USP34: variants seen among roughly 807,000 people sequenced by gnomAD.
The protein encoded by USP34 is ubiquitin specific peptidase 34.
USP34 carries 70 observed loss-of-function variants against 460.3 expected under a neutral mutation model. The observed-to-expected ratio is 0.15, with a 90% CI of 0.13 to 0.19. USP34 has a LOEUF of 0.19. Among genes scored for constraint, USP34 ranks in the 10% least tolerant of loss-of-function variants. USP34 has a pLI of 1.00. For missense variants in USP34, 3,985 were observed against 4,236.2 expected, an observed-to-expected ratio of 0.94 and a Z score of 1.65; for synonymous variants, 1,647 against 1,405.3, an observed-to-expected ratio of 1.17 and a Z score of -3.85.
chr2:61,191,079 T>C (rs1313131080), intron 76 of USP34: 1 of 156,354 alleles, frequency 6.4e-6, no homozygotes, highest in Non-Finnish European at 1.4e-5. Flanking sequence ...AGAATCAAAA[T>C]CAATTCTCCA....
At chr2:61,344,084 T>A in intron 15 of USP34, 55 bp from the exon 16 acceptor site, 1 of 1,546,442 alleles carries the variant, frequency 6.5e-7, no homozygotes, top group South Asian at 1.2e-5. Flanking sequence ...ATCTAATTTG[T>A]GAACCACAAA....
rs975995218 is a variant in USP34, at chr2:61,277,203, T to C, written c.5433+962A>G. 3.9e-5 allele frequency among the ~76,000 whole-genome samples: 6 copies of C among 152,104 alleles called. No homozygotes were observed. In the South Asian group the frequency reaches 1.2e-3, roughly 32 times the overall value. ...AGGACAGTAATTCAAAATATACAAT[T>C]CTATAGAAAGCACACTGATAAAATA... On this transcript the variant is annotated intron_variant, in intron 41 of 79. Coordinates refer to ENST00000398571, the MANE Select transcript of USP34 (RefSeq NM_014709.4).
intron 15 of USP34, among the ~76,000 whole-genome samples, chr2:61,345,331 C>T (rs1466676440): frequency 2.0e-5 from 3 of 151,826 alleles, no homozygotes; most frequent in South Asian, 2.1e-4. Context: ...AAAAACACTT[C>T]CTTAATCTCA....
chr2:61,453,882 C>G (rs1413929612), intron 1 of USP34, among the ~76,000 whole-genome samples: 1 of 151,824 alleles, frequency 6.6e-6, no homozygotes, highest in Non-Finnish European at 1.5e-5. Flanking sequence ...TAAAAGTAGG[C>G]TGCCATTAAA....
chr2:61,265,909 T>G, intron 42 of USP34, 75 bp downstream of exon 42: 1 of 1,339,466 alleles, frequency 7.5e-7, no homozygotes, highest in Non-Finnish European at 1.0e-6. Flanking sequence ...CAGATTCTTT[T>G]GTTAAACAGT....
At chr2:61,261,734 T>G (rs755754298) in intron 43 of USP34, among the ~76,000 whole-genome samples, 1 of 152,136 alleles carries the variant, frequency 6.6e-6, no homozygotes, top group Non-Finnish European at 1.5e-5. Flanking sequence ...GGGAATAATA[T>G]AATTAACTGA....
intron 1 of USP34, among the ~76,000 whole-genome samples, chr2:61,469,241 A>G (rs768028763): frequency 1.3e-5 from 2 of 152,162 alleles, no homozygotes; most frequent in African/African-American, 2.4e-5. Context: ...ATCACCAACA[A>G]AATTAAGTAC....
chr2:61,311,946 C>A, intron 25 of USP34, 36 bp from the exon 26 acceptor site: 3 of 1,595,242 alleles, frequency 1.9e-6, no homozygotes, highest in Non-Finnish European at 2.6e-6. Flanking sequence ...AGAAAGGATA[C>A]CATTTTAAAC....
chr2:61,325,036 C>T (rs537140870), intron 21 of USP34, among the ~76,000 whole-genome samples: 23 of 152,062 alleles, frequency 1.5e-4, no homozygotes, highest in Middle Eastern at 6.8e-3. Flanking sequence ...TAAGCAGGAG[C>T]TAAACAATGG....
intron 1 of USP34, among the ~76,000 whole-genome samples, chr2:61,469,182 G>A (rs964371662): frequency 6.6e-6 from 1 of 151,996 alleles, no homozygotes; most frequent in Non-Finnish European, 1.5e-5. Context: ...CCTCCAGCTT[G>A]GGCAACAAGA....
Position 61,266,040 on chromosome 2 carries a change from C to G in USP34, c.5561G>C (p.Gly1854Ala). 2 of 1,613,708 alleles carry G rather than the reference C, an allele frequency of 1.2e-6. No individual in the cohort carries two copies. The highest frequency in any genetic ancestry group is 1.7e-6 in the Non-Finnish European group (2 of 1,179,740). The change falls in exon 42 of 80, where the codon GGG becomes GCG. Residue 1854 changes from glycine to alanine, a missense_variant. Transcript: ENST00000398571. ...AYDLLVEMVK[G>A]SVENYRLIHN... Reference sequence around the variant, plus strand: ...TATTAGCCTGTAGTTCTCAACAGACCCCTTTACCATCTCTACTAACAAATC... The same window carrying G: ...TATTAGCCTGTAGTTCTCAACAGACGCCTTTACCATCTCTACTAACAAATC...
At chr2:61,294,138 G>C (rs1689947417) in intron 32 of USP34, among the ~76,000 whole-genome samples, 1 of 152,136 alleles carries the variant, frequency 6.6e-6, no homozygotes, top group Admixed American at 6.5e-5. Context: ...GAGGTCAGCA[G>C]ATCAAGACCA....
chr2:61,400,993 T>C (rs1693700247), intron 3 of USP34, among the ~76,000 whole-genome samples: 1 of 151,584 alleles, frequency 6.6e-6, no homozygotes, highest in South Asian at 2.1e-4. Context: ...CTACTAAAAA[T>C]ACAAAAATTA....
intron 5 of USP34, among the ~76,000 whole-genome samples, chr2:61,392,238 G>C (rs1693370720): frequency 6.6e-6 from 1 of 152,098 alleles, no homozygotes; most frequent in East Asian, 1.9e-4. Flanking sequence ...AGGCTGACAT[G>C]GGAGGGAGGT....
chr2:61,417,217 T>G, intron 2 of USP34: 1 of 1,507,664 alleles, frequency 6.6e-7, no homozygotes, highest in South Asian at 1.1e-5. Flanking sequence ...TAGTGCAAGG[T>G]CAGAAACACG....
intron 33 of USP34, among the ~76,000 whole-genome samples, chr2:61,292,091 T>C (rs892913798): frequency 2.0e-5 from 3 of 152,178 alleles, no homozygotes; most frequent in Non-Finnish European, 4.4e-5. Flanking sequence ...TTTGAAGGGA[T>C]ACAACTGTTC....
At position 61,435,307 on chromosome 2, in the gene USP34, C is replaced by CAAAAAAAAAAA. The variant is rs59158283; in HGVS notation, c.44-14485_44-14475dup. On this transcript the variant is annotated intron_variant, in intron 1 of 79. Coordinates refer to ENST00000398571, the MANE Select transcript of USP34 (RefSeq NM_014709.4). ...TGGGCAACAGAGTGAGACCTTGTTTCAAAAAAAAAAAAAAAAAAAAAAGAA... is the reference window on the plus strand; with the variant it reads ...TGGGCAACAGAGTGAGACCTTGTTTCAAAAAAAAAAAAAAAAAAAAAAAAAAAAAAAAAGAA... 1.7e-4 allele frequency among the ~76,000 whole-genome samples: 7 copies of CAAAAAAAAAAA among 40,946 alleles called. No individual in the cohort carries two copies. In the East Asian group the frequency reaches 2.3e-3, roughly 13 times the overall value. 26.9% of individuals were successfully genotyped at this position (40,946 alleles called of 152,430 possible). A position where few individuals can be genotyped will look rare whatever the true frequency, so the allele number is the denominator to read the frequency against.
At chr2:61,327,276 G>C (rs1691125457) in intron 20 of USP34, among the ~76,000 whole-genome samples, 1 of 152,158 alleles carries the variant, frequency 6.6e-6, no homozygotes, top group African/African-American at 2.4e-5. Context: ...GCAAAGAAAA[G>C]ATTAACTTTT....
rs1011148856 is a variant in USP34, at chr2:61,405,959, C to T, written c.301G>A (p.Ala101Thr). 2 of 1,613,290 alleles carry T rather than the reference C, an allele frequency of 1.2e-6. No individual in the cohort carries two copies. Among genetic ancestry groups the T allele is most frequent in the African/African-American group, 2.7e-5 (2 of 74,702 alleles). The change falls in exon 3 of 80, where the codon GCA becomes ACA. Residue 101 changes from alanine to threonine, a missense_variant. By Grantham distance (58) the Ala-to-Thr change is moderately conservative. Transcript: ENST00000398571. ...DSTWQDESNQ[A>T]EEPLNIDREC... ...CTATCTATATTCAGTGGTTCTTCTG[C>T]TTGATTACTCTCATCTTGCCACGTG... is the stretch of plus-strand genomic sequence containing the variant.
Sources: allele counts gnomAD v4.1 joint callset (sites outside exome capture counted in the v4.1 genomes callset), GRCh38; gene constraint gnomAD v4.1.1; transcripts MANE v1.5; gene names NCBI Gene and HGNC (gene_info 2026-07-23, HGNC 2026-07-21).